MTUS2: variants seen among roughly 807,000 people sequenced by gnomAD.
The protein encoded by MTUS2 is microtubule associated scaffold protein 2.
A neutral mutation model predicts 114.1 loss-of-function variants in MTUS2; 40 were observed. The ratio of observed to expected loss-of-function variants is 0.35; its 90% confidence interval spans 0.27 to 0.46. The LOEUF is 0.46. Among genes scored for constraint, MTUS2 ranks in the 20% least tolerant of loss-of-function variants. The probability of loss-of-function intolerance (pLI) is 1.00; values close to 1 mark genes in which losing one functional copy is unlikely to be tolerated. For synonymous variants in MTUS2, 688 were observed against 672.0 expected (o/e 1.02, Z -0.37); for missense variants, 1,679 against 1,705.4 (o/e 0.98, Z 0.27).
intron 5 of MTUS2, among the ~76,000 whole-genome samples, chr13:29,240,972 C>CT (rs1428854182): frequency 2.0e-5 from 3 of 152,010 alleles, no homozygotes; most frequent in African/African-American, 7.2e-5. Flanking sequence ...CTCATTTCTC[C>CT]TTTCTCTGCC....
chr13:29,389,419 G>GTGTA lies in MTUS2; in HGVS notation c.3117+29947_3117+29948insGTAT, dbSNP rs1566172971. ...TGTATATATGTATACACGTGTGTGT[G>GTGTA]TATGTATACACGTGTGTGTATGTGT... On this transcript the variant is annotated intron_variant, in intron 8 of 15. Coordinates refer to ENST00000612955, the MANE Select transcript of MTUS2 (RefSeq NM_001033602.4). Among the ~76,000 whole-genome samples, 557 of 106,926 alleles carry GTGTA rather than the reference G, an allele frequency of 5.2e-3. 47 individuals carry two copies. Among genetic ancestry groups the GTGTA allele is most frequent in the African/African-American group, 1.0e-2 (217 of 21,792 alleles). 70.1% of individuals were successfully genotyped at this position (106,926 alleles called of 152,430 possible).
intron 9 of MTUS2, among the ~76,000 whole-genome samples, chr13:29,465,669 C>T (rs1303648874): frequency 2.6e-5 from 4 of 152,116 alleles, no homozygotes; most frequent in African/African-American, 4.8e-5. Context: ...TCTGGCCTCA[C>T]GTCCCAAAAC....
At chr13:29,216,939 C>T (rs575529116) in intron 5 of MTUS2, among the ~76,000 whole-genome samples, 1 of 152,286 alleles carries the variant, frequency 6.6e-6, no homozygotes, top group South Asian at 2.1e-4. Flanking sequence ...TGATAGTGCC[C>T]ATCCTAGTGG....
intron 6 of MTUS2, among the ~76,000 whole-genome samples, chr13:29,310,934 C>T (rs1221659271): frequency 6.6e-6 from 1 of 152,166 alleles, no homozygotes; most frequent in African/African-American, 2.4e-5. Flanking sequence ...CTGTTCAAAG[C>T]AGCATTGTTC....
chr13:29,315,378 C>T (rs1321590532), intron 6 of MTUS2, among the ~76,000 whole-genome samples: 2 of 152,080 alleles, frequency 1.3e-5, no homozygotes, highest in African/African-American at 4.8e-5. Context: ...GCTAGTTATC[C>T]CAATTTGATC....
chr13:28,994,573 A>C (rs957581650), intron 2 of MTUS2, among the ~76,000 whole-genome samples: 39 of 152,058 alleles, frequency 2.6e-4, no homozygotes, highest in Non-Finnish European at 8.8e-5. Context: ...TTGTTTCCTG[A>C]CTTTTTAGTG....
At chr13:28,878,292 TACAC>T (rs928041578) in intron 2 of MTUS2, among the ~76,000 whole-genome samples, 6 of 151,268 alleles carry the variant, frequency 4.0e-5, no homozygotes, top group Non-Finnish European at 7.4e-5. Context: ...TGTATGTGTG[TACAC>T]ACACACACAT....
chr13:29,101,182 C>A (rs1890404282), intron 5 of MTUS2, among the ~76,000 whole-genome samples: 1 of 152,032 alleles, frequency 6.6e-6, no homozygotes, highest in South Asian at 2.1e-4. Context: ...AAGATTGTAA[C>A]CACCTCTTAG....
chr13:29,468,956 C>T (rs983175600), intron 9 of MTUS2, among the ~76,000 whole-genome samples: 3 of 152,192 alleles, frequency 2.0e-5, no homozygotes, highest in Non-Finnish European at 4.4e-5. Flanking sequence ...ATAATAAAAA[C>T]TGGTACACCT....
intron 4 of MTUS2, among the ~76,000 whole-genome samples, chr13:29,075,580 A>T (rs967514286): frequency 1.3e-5 from 2 of 152,212 alleles, no homozygotes; most frequent in African/African-American, 4.8e-5. Context: ...ACTCCATTAG[A>T]TAAAAGCCAC....
intron 5 of MTUS2, among the ~76,000 whole-genome samples, chr13:29,180,968 T>C (rs535809847): frequency 6.6e-6 from 1 of 152,350 alleles, no homozygotes; most frequent in African/African-American, 2.4e-5. Context: ...TTTAAGTTAT[T>C]TCAGAATATC....
intron 5 of MTUS2, among the ~76,000 whole-genome samples, chr13:29,161,229 A>G (rs1268439605): frequency 2.0e-5 from 3 of 152,214 alleles, no homozygotes; most frequent in Non-Finnish European, 4.4e-5. Flanking sequence ...GATTGTATCA[A>G]TGTCTGTATC....
At chr13:29,438,121 A>G (rs1877552418) in intron 8 of MTUS2, among the ~76,000 whole-genome samples, 2 of 152,226 alleles carry the variant, frequency 1.3e-5, no homozygotes, top group African/African-American at 4.8e-5. Context: ...GCTGGACACT[A>G]ACTACATCAC....
intron 2 of MTUS2, among the ~76,000 whole-genome samples, chr13:28,854,398 C>T (rs1876491825): frequency 6.6e-6 from 1 of 152,110 alleles, no homozygotes; most frequent in African/African-American, 2.4e-5. Context: ...GATTCTGTTC[C>T]CACATCTGTA....
chr13:29,036,609 T>C (rs1194803596), intron 4 of MTUS2, among the ~76,000 whole-genome samples: 2 of 152,228 alleles, frequency 1.3e-5, no homozygotes, highest in East Asian at 1.9e-4. Flanking sequence ...CAGTGGGGTG[T>C]TAAAGTGTCC....
At chr13:29,271,717 C>G (rs1286901276) in intron 5 of MTUS2, among the ~76,000 whole-genome samples, 1 of 152,204 alleles carries the variant, frequency 6.6e-6, no homozygotes, top group Non-Finnish European at 1.5e-5. Context: ...TCGATGCTTA[C>G]TGTATCTTTC....
chr13:29,416,466 A>G (rs1019175428), intron 8 of MTUS2, among the ~76,000 whole-genome samples: 2 of 150,996 alleles, frequency 1.3e-5, no homozygotes, highest in African/African-American at 4.9e-5. Context: ...TATATATAGC[A>G]CATATTATGT....
chr13:29,109,584 T>A (rs144609410), intron 5 of MTUS2, among the ~76,000 whole-genome samples: 1 of 152,184 alleles, frequency 6.6e-6, no homozygotes, highest in Non-Finnish European at 1.5e-5. Context: ...GCAAGTTGCT[T>A]AATTTTTCTC....
At chr13:28,939,995 T>C (rs534679174) in intron 2 of MTUS2, among the ~76,000 whole-genome samples, 152 of 152,232 alleles carry the variant, frequency 1.0e-3, no homozygotes, top group African/African-American at 3.5e-3. Context: ...ACTTACTCAC[T>C]ATCATGAGAA....
Sources: allele counts gnomAD v4.1 joint callset (sites outside exome capture counted in the v4.1 genomes callset), GRCh38; gene constraint gnomAD v4.1.1; transcripts MANE v1.5; gene names NCBI Gene and HGNC (gene_info 2026-07-23, HGNC 2026-07-21).